STX8: variants seen among roughly 807,000 people sequenced by gnomAD.
STX8 encodes syntaxin 8, also known as syntaxin-8.
STX8 carries 23 observed loss-of-function variants against 37.5 expected under a neutral mutation model. That is an observed-to-expected ratio of 0.61 (90% CI 0.44 to 0.87). The LOEUF is 0.87. STX8 is among the 40% of genes least tolerant of loss of function. STX8 has a pLI of 0.00. For synonymous variants in STX8, 115 were observed against 99.1 expected (o/e 1.16, Z -0.95); for missense variants, 313 against 284.7 (o/e 1.10, Z -0.71).
At chr17:9,267,722 C>T (rs1907280758) in intron 7 of STX8, among the ~76,000 whole-genome samples, 1 of 152,214 alleles carries the variant, frequency 6.6e-6, no homozygotes, top group South Asian at 2.1e-4. Context: ...GGCACAGTGG[C>T]TCATGCCTGT....
intron 6 of STX8, among the ~76,000 whole-genome samples, chr17:9,439,121 G>A (rs1201281962): frequency 1.3e-5 from 2 of 151,792 alleles, no homozygotes; most frequent in African/African-American, 4.8e-5. Context: ...CTCATGACCT[G>A]TACAAAAACG....
Position 9,568,416 on chromosome 17 carries a change from A to T in STX8, c.72T>A (p.Ile24=). 1.2e-6 allele frequency: 2 copies of T among 1,612,782 alleles called. No individual in the cohort carries two copies. Among genetic ancestry groups the T allele is most frequent in the Non-Finnish European group, 1.7e-6 (2 of 1,179,906 alleles). The change falls in exon 2 of 8, where the codon ATT becomes ATA. Residue 24 remains isoleucine, a synonymous_variant. Transcript: ENST00000306357. ...TTCTTTCATATTGATTTCGTTGTTG[A>T]ATTTTCTCAGCAATTTCTTGGGCAA... ...CQIAQEIAEK[I]QQRNQYERKG... is the part of the protein sequence containing the mutation.
At chr17:9,320,962 CTT>C (rs1049116439) in intron 7 of STX8, among the ~76,000 whole-genome samples, 11 of 140,772 alleles carry the variant, frequency 7.8e-5, no homozygotes, top group African/African-American at 2.9e-4. Flanking sequence ...AAAAAAAAAA[CTT>C]AACTCTAGTT....
intron 6 of STX8, among the ~76,000 whole-genome samples, chr17:9,431,452 TG>T (rs66947845): frequency 0.046 from 6,730 of 145,014 alleles, 324 homozygotes; most frequent in African/African-American, 0.16. Flanking sequence ...GTTGTTGTTT[TG>T]TTTTTTTTGT....
At chr17:9,517,373 A>G (rs1905185574) in intron 4 of STX8, among the ~76,000 whole-genome samples, 1 of 152,218 alleles carries the variant, frequency 6.6e-6, no homozygotes, top group Non-Finnish European at 1.5e-5. Flanking sequence ...AAAACCCATA[A>G]ATAAATGAAT....
At chr17:9,432,520 A>T (rs939852484) in intron 6 of STX8, among the ~76,000 whole-genome samples, 6 of 152,170 alleles carry the variant, frequency 3.9e-5, no homozygotes, top group Admixed American at 2.0e-4. Flanking sequence ...AATGCCCTCT[A>T]GTCACACATA....
chr17:9,342,243 C>T (rs527726083), intron 7 of STX8, among the ~76,000 whole-genome samples: 57 of 152,242 alleles, frequency 3.7e-4, no homozygotes, highest in Middle Eastern at 3.4e-3. Flanking sequence ...GCTCAACCAC[C>T]GCTCACCTGC....
At chr17:9,344,258 CTTTTTTTTT>C (rs200606281) in intron 7 of STX8, among the ~76,000 whole-genome samples, 1 of 145,922 alleles carries the variant, frequency 6.9e-6, no homozygotes, top group African/African-American at 2.6e-5. Flanking sequence ...TGATACTAAA[CTTTTTTTTT>C]TTTTTTTTTT....
chr17:9,300,331 C>CAAAAAAAAA (rs3060137), intron 7 of STX8, among the ~76,000 whole-genome samples: 1 of 69,262 alleles, frequency 1.4e-5, no homozygotes, highest in Non-Finnish European at 2.7e-5. Flanking sequence ...AACTCCATCT[C>CAAAAAAAAA]AAAAAAAAAA....
At chr17:9,537,219 G>T (rs992573737) in intron 4 of STX8, among the ~76,000 whole-genome samples, 1 of 152,258 alleles carries the variant, frequency 6.6e-6, no homozygotes, top group Non-Finnish European at 1.5e-5. Context: ...GCGAGGCAGA[G>T]ACAAAGCTGC....
intron 7 of STX8, among the ~76,000 whole-genome samples, chr17:9,344,763 C>A (rs1333855497): frequency 6.6e-6 from 1 of 152,102 alleles, no homozygotes; most frequent in Non-Finnish European, 1.5e-5. Flanking sequence ...TGGATGATTT[C>A]CTGGTGATAT....
At chr17:9,503,265 CTAATT>C (rs1178123787) in intron 5 of STX8, among the ~76,000 whole-genome samples, 1 of 151,830 alleles carries the variant, frequency 6.6e-6, no homozygotes, top group Non-Finnish European at 1.5e-5. Flanking sequence ...AAAATGGAAA[CTAATT>C]TATAGTGACA....
intron 4 of STX8, among the ~76,000 whole-genome samples, chr17:9,523,621 C>T (rs1025960737): frequency 1.3e-5 from 2 of 152,194 alleles, no homozygotes; most frequent in Non-Finnish European, 2.9e-5. Flanking sequence ...AGGCATTCGG[C>T]ATACCTAATG....
chr17:9,351,459 T>C (rs1173861262), intron 7 of STX8, among the ~76,000 whole-genome samples: 2 of 152,046 alleles, frequency 1.3e-5, no homozygotes, highest in East Asian at 1.9e-4. Flanking sequence ...GCCCGGCCTA[T>C]TCATTTCTAA....
intron 5 of STX8, among the ~76,000 whole-genome samples, chr17:9,493,827 C>A (rs1906962615): frequency 6.6e-6 from 1 of 152,082 alleles, no homozygotes; most frequent in Non-Finnish European, 1.5e-5. Context: ...CCTGATCAGA[C>A]CCATAGTGAT....
At chr17:9,418,826 C>CA (rs71135977) in intron 6 of STX8, among the ~76,000 whole-genome samples, 66 of 48,706 alleles carry the variant, frequency 1.4e-3, no homozygotes, top group South Asian at 3.0e-3. Flanking sequence ...GACTCCGTCT[C>CA]AAAAAAAAAA....
chr17:9,334,133 G>C (rs1259136329), intron 7 of STX8, among the ~76,000 whole-genome samples: 1 of 150,928 alleles, frequency 6.6e-6, no homozygotes, highest in African/African-American at 2.4e-5. Context: ...GTCAGTTCCT[G>C]GGTGCGGGGG....
At chr17:9,378,761 C>A in intron 6 of STX8, 108 bp from the exon 7 acceptor site, 2 of 823,604 alleles carry the variant, frequency 2.4e-6, no homozygotes, top group Non-Finnish European at 2.1e-6. Flanking sequence ...AGTGCAGTAA[C>A]TGAAAAGGTA....
At chr17:9,425,896 G>A (rs1440426010) in intron 6 of STX8, among the ~76,000 whole-genome samples, 3 of 152,084 alleles carry the variant, frequency 2.0e-5, no homozygotes, top group Non-Finnish European at 4.4e-5. Context: ...CTACAGATGA[G>A]CCAGTCTCAA....
Sources: allele counts gnomAD v4.1 joint callset (sites outside exome capture counted in the v4.1 genomes callset), GRCh38; gene constraint gnomAD v4.1.1; transcripts MANE v1.5; gene names NCBI Gene and HGNC (gene_info 2026-07-23, HGNC 2026-07-21).